The following DLGAP2 variants were observed in gnomAD, a reference collection of about 807,000 sequenced individuals.
DLGAP2 encodes DLG associated protein 2, also known as disks large-associated protein 2.
DLGAP2 carries 26 observed loss-of-function variants against 100.3 expected under a neutral mutation model. The observed-to-expected ratio is 0.26, with a 90% CI of 0.19 to 0.36. DLGAP2 has a LOEUF of 0.36. Ranked by LOEUF, DLGAP2 falls within the 10% of genes least tolerant of loss-of-function variation. DLGAP2 has a pLI of 1.00. For synonymous variants in DLGAP2, 886 were observed against 630.1 expected (o/e 1.41, Z -6.08); for missense variants, 1,858 against 1,453.2 (o/e 1.28, Z -4.53).
intron 1 of DLGAP2, among the ~76,000 whole-genome samples, chr8:790,072 A>G (rs1257267078): frequency 2.0e-5 from 3 of 152,304 alleles, no homozygotes; most frequent in South Asian, 2.1e-4. Context: ...CTCCTGTTCT[A>G]CACTCCCCAG....
At chr8:914,468 A>G (rs1798550088) in intron 2 of DLGAP2, among the ~76,000 whole-genome samples, 1 of 151,990 alleles carries the variant, frequency 6.6e-6, no homozygotes, top group South Asian at 2.1e-4. Flanking sequence ...GTGGATCAAT[A>G]GTGTTGGGAC....
chr8:936,125 G>C (rs1311714987), intron 2 of DLGAP2, among the ~76,000 whole-genome samples: 3 of 152,134 alleles, frequency 2.0e-5, no homozygotes. Flanking sequence ...AGAACACTGT[G>C]TACCGTGTGT....
chr8:1,384,450 A>C (rs1414697344), intron 3 of DLGAP2, among the ~76,000 whole-genome samples: 1 of 77,614 alleles, frequency 1.3e-5, no homozygotes, highest in African/African-American at 4.7e-5. Flanking sequence ...CTTGGTGCAC[A>C]GTTACCCCGG....
chr8:1,173,855 C>G (rs1039211546), intron 2 of DLGAP2, among the ~76,000 whole-genome samples: 1 of 152,240 alleles, frequency 6.6e-6, no homozygotes, highest in Non-Finnish European at 1.5e-5. Context: ...ATGCGTCGCC[C>G]TGCTTCGGCT....
At chr8:1,690,752 A>C (rs1183433479) in intron 12 of DLGAP2, among the ~76,000 whole-genome samples, 12 of 151,764 alleles carry the variant, frequency 7.9e-5, no homozygotes, top group African/African-American at 2.7e-4. Context: ...TAACCAAATA[A>C]AGTCATTGCA....
At chr8:971,162 C>T (rs1034618921) in intron 2 of DLGAP2, among the ~76,000 whole-genome samples, 9 of 152,164 alleles carry the variant, frequency 5.9e-5, no homozygotes, top group African/African-American at 1.9e-4. Context: ...GGAAACTGAA[C>T]AGCCAACGTA....
At chr8:865,723 G>A (rs1797481953) in intron 1 of DLGAP2, among the ~76,000 whole-genome samples, 1 of 152,210 alleles carries the variant, frequency 6.6e-6, no homozygotes, top group East Asian at 1.9e-4. Flanking sequence ...TAAGGCCGCT[G>A]TGAGCTGCGT....
At chr8:1,407,410 C>A (rs190402524) in intron 3 of DLGAP2, among the ~76,000 whole-genome samples, 3 of 115,638 alleles carry the variant, frequency 2.6e-5, no homozygotes, top group Non-Finnish European at 3.7e-5. Context: ...GCTTACTGAG[C>A]GCCACCTCCT....
Position 930,342 on chromosome 8 carries a change from G to C in DLGAP2, c.73+22376G>C, listed in dbSNP as rs533590610. Among the ~76,000 whole-genome samples, 100 of 152,234 alleles carry C rather than the reference G, an allele frequency of 6.6e-4. 1 individual carries two copies. In the South Asian group the frequency reaches 0.011, roughly 17 times the overall value. On this transcript the variant is annotated intron_variant, in intron 2 of 14. Transcript: ENST00000637795. Reference sequence around the variant, plus strand: ...TAAAGACAAATGCAATGTTGTCTCTGCTTTAGGGGAAATTATTGTGTCCTA... The same window carrying C: ...TAAAGACAAATGCAATGTTGTCTCTCCTTTAGGGGAAATTATTGTGTCCTA...
At chr8:1,066,092 G>C (rs897062088) in intron 2 of DLGAP2, among the ~76,000 whole-genome samples, 4 of 152,152 alleles carry the variant, frequency 2.6e-5, no homozygotes, top group Non-Finnish European at 5.9e-5. Flanking sequence ...ACAACGGTCA[G>C]GTCTGAGTGA....
chr8:1,021,302 A>G (rs551089878), intron 2 of DLGAP2, among the ~76,000 whole-genome samples: 2 of 152,158 alleles, frequency 1.3e-5, no homozygotes, highest in Non-Finnish European at 2.9e-5. Flanking sequence ...AAAATACGAT[A>G]TATTTTGGAA....
intron 2 of DLGAP2, among the ~76,000 whole-genome samples, chr8:1,164,962 A>C (rs62487542): frequency 9.2e-5 from 14 of 151,544 alleles, no homozygotes; most frequent in Non-Finnish European, 1.5e-4. Flanking sequence ...TAGAAACCCA[A>C]ATTATCTTCC....
intron 2 of DLGAP2, chr8:927,049 G>C: frequency 3.0e-6 from 3 of 985,434 alleles, no homozygotes; most frequent in Non-Finnish European, 3.6e-6. Flanking sequence ...TGGAGGCCTG[G>C]AGGAGCCGAT....
At chr8:1,294,590 T>C (rs950744527) in intron 3 of DLGAP2, among the ~76,000 whole-genome samples, 3 of 152,212 alleles carry the variant, frequency 2.0e-5, no homozygotes, top group Non-Finnish European at 2.9e-5. Context: ...ACTGGGTCAA[T>C]GTCGAATTGG....
intron 4 of DLGAP2, among the ~76,000 whole-genome samples, chr8:1,509,541 A>C (rs1424841420): frequency 6.6e-6 from 1 of 151,962 alleles, no homozygotes; most frequent in Non-Finnish European, 1.5e-5. Flanking sequence ...GGTGGTGCAG[A>C]GAAAGGAAGT....
intron 3 of DLGAP2, among the ~76,000 whole-genome samples, chr8:1,422,355 C>T (rs1025224758): frequency 2.0e-5 from 3 of 152,062 alleles, no homozygotes; most frequent in South Asian, 2.1e-4. Context: ...AATTTCCGTC[C>T]ACTGCAAGCG....
At chr8:883,438 C>CT (rs891320101) in intron 1 of DLGAP2, 3 of 151,742 alleles carry the variant, frequency 2.0e-5, no homozygotes, top group African/African-American at 4.8e-5. Flanking sequence ...AATAATGATC[C>CT]TTTTTAAAAA....
At chr8:1,208,075 C>A (rs1349615255) in intron 2 of DLGAP2, among the ~76,000 whole-genome samples, 2 of 152,112 alleles carry the variant, frequency 1.3e-5, no homozygotes, top group Non-Finnish European at 2.9e-5. Context: ...GTTTAAGTCT[C>A]TTCTGTTTAT....
intron 2 of DLGAP2, among the ~76,000 whole-genome samples, chr8:1,180,649 C>T (rs191182191): frequency 2.7e-5 from 4 of 149,748 alleles, no homozygotes; most frequent in Admixed American, 2.6e-4. Context: ...TGTGCAAGGG[C>T]AGTATGCTTA....
Sources: gnomAD v4.1 joint callset for allele counts (sites outside exome capture counted in the v4.1 genomes callset) on GRCh38, gnomAD v4.1.1 for gene constraint, MANE v1.5 for transcripts, NCBI Gene and HGNC (gene_info 2026-07-23, HGNC 2026-07-21) for gene names.